The following SLA variants were observed in gnomAD, a reference collection of about 807,000 sequenced individuals.
SLA encodes src-like-adapter.
A neutral mutation model predicts 30.3 loss-of-function variants in SLA; 16 were observed. That is an observed-to-expected ratio of 0.53 (90% CI 0.36 to 0.80). The LOEUF is 0.80. SLA is among the 30% of genes least tolerant of loss of function. SLA has a pLI of 0.01. For missense variants in SLA, 310 were observed against 345.2 expected, an observed-to-expected ratio of 0.90 and a Z score of 0.81; for synonymous variants, 143 against 137.8, an observed-to-expected ratio of 1.04 and a Z score of -0.26.
intron 3 of SLA, among the ~76,000 whole-genome samples, chr8:133,055,334 T>C (rs1841174866): frequency 6.6e-6 from 1 of 150,660 alleles, no homozygotes; most frequent in Non-Finnish European, 1.5e-5. Flanking sequence ...TGACTTTCAG[T>C]GTCATCTTCA....
intron 1 of SLA, chr8:133,096,183 G>T (rs1245725628): frequency 1.2e-6 from 2 of 1,614,096 alleles, no homozygotes; most frequent in South Asian, 2.2e-5. Context: ...CAGGACAACT[G>T]ATTATTGTTG....
intron 2 of SLA, among the ~76,000 whole-genome samples, chr8:133,068,701 G>A (rs973618616): frequency 9.2e-5 from 14 of 152,212 alleles, no homozygotes; most frequent in South Asian, 2.1e-4. Context: ...GTGAGTGGGC[G>A]TCTTATGAAG....
In SLA at chr8:133,040,125, C is replaced by T; in HGVS notation, c.490G>A (p.Ala164Thr). The T allele has an allele frequency of 6.3e-7, 1 of 1,577,832 alleles. No homozygotes were observed. Among genetic ancestry groups the T allele is most frequent in the Non-Finnish European group, 8.6e-7 (1 of 1,162,076 alleles). ...GTGAGCACACAGCACAGGCCATCAGCCACCTCTGAGGAGGGAAGCAGACAG... is the reference window on the plus strand; with the variant it reads ...GTGAGCACACAGCACAGGCCATCAGTCACCTCTGAGGAGGGAAGCAGACAG... ...EDLVNHYSEV[A>T]DGLCCVLTTP... Residue 164 changes from alanine (A) to threonine (T), a missense_variant, in exon 8 of 9, where the codon GCT becomes ACT. Coordinates refer to ENST00000338087, the MANE Select transcript of SLA (RefSeq NM_001045556.3).
chr8:133,097,613 A>G (rs528998552), intron 1 of SLA, among the ~76,000 whole-genome samples: 2 of 152,372 alleles, frequency 1.3e-5, no homozygotes, highest in South Asian at 4.1e-4. Context: ...ACCAACCTGT[A>G]TATATCTTTA....
intron 3 of SLA, among the ~76,000 whole-genome samples, chr8:133,057,641 G>C (rs1841687417): frequency 6.6e-6 from 1 of 152,110 alleles, no homozygotes. Context: ...GAAGCTCAGT[G>C]AGGGCCTTCT....
intron 1 of SLA, among the ~76,000 whole-genome samples, chr8:133,077,811 A>G (rs1845136848): frequency 6.6e-6 from 1 of 151,566 alleles, no homozygotes; most frequent in Non-Finnish European, 1.5e-5. Context: ...TGACCTGTGC[A>G]TTGGAGGATG....
At chr8:133,056,079 G>T (rs924939307) in intron 3 of SLA, among the ~76,000 whole-genome samples, 1 of 152,146 alleles carries the variant, frequency 6.6e-6, no homozygotes, top group Non-Finnish European at 1.5e-5. Context: ...GTCTCCCTGG[G>T]CAGGGCAGGG....
At chr8:133,049,794 G>A (rs1259385709) in intron 5 of SLA, 108 bp downstream of exon 5, 5 of 808,610 alleles carry the variant, frequency 6.2e-6, no homozygotes, top group South Asian at 1.4e-5. Flanking sequence ...ATCTCTTCTT[G>A]ACCCAGTGCC....
At chr8:133,053,029 G>T (rs992291695) in intron 3 of SLA, among the ~76,000 whole-genome samples, 1 of 152,196 alleles carries the variant, frequency 6.6e-6, no homozygotes, top group African/African-American at 2.4e-5. Flanking sequence ...GGCTACATGT[G>T]ATGGGCCTTT....
Position 133,062,832 on chromosome 8 carries a change from T to A in SLA, c.-40-2632A>T, listed in dbSNP as rs953450462. Among the ~76,000 whole-genome samples, 11 of 152,150 alleles carry A rather than the reference T, an allele frequency of 7.2e-5. 1 individual carries two copies. Among genetic ancestry groups the A allele is most frequent in the Admixed American group, 2.6e-4 (4 of 15,292 alleles). On this transcript the variant is annotated intron_variant, in intron 2 of 8. Transcript: ENST00000338087. ...GCACAGGCCTCAGGAAGCACACATG[T>A]GACACGCACAGGGTGTCTTACACAG...
intron 2 of SLA, among the ~76,000 whole-genome samples, chr8:133,065,054 TG>T: frequency 1.3e-5 from 2 of 152,304 alleles, no homozygotes; most frequent in South Asian, 4.1e-4. Context: ...TGCTGCAAAG[TG>T]TGACAGCTAT....
chr8:133,093,427 T>G (rs1314417518), intron 1 of SLA, among the ~76,000 whole-genome samples: 1 of 152,114 alleles, frequency 6.6e-6, no homozygotes, highest in Admixed American at 6.5e-5. Flanking sequence ...GAGCCTTGCT[T>G]TGTTTTAAAG....
chr8:133,060,356 G>A, intron 2 of SLA, 156 bp from the exon 3 acceptor site: 1 of 1,543,400 alleles, frequency 6.5e-7, no homozygotes, highest in Middle Eastern at 1.7e-4. Context: ...GTGAAGATTG[G>A]TTACTTTTGC....
rs148000809 is a variant in SLA at position 133,074,283 on chromosome 8, A to G, written c.-41+570T>C. Among the ~76,000 whole-genome samples, 4 of 152,264 alleles carry G rather than the reference A, an allele frequency of 2.6e-5. No homozygotes were observed. The South Asian group carries it at 6.2e-4, about 24-fold the overall frequency. On this transcript the variant is annotated intron_variant, in intron 2 of 8. Coordinates refer to ENST00000338087, the MANE Select transcript of SLA (RefSeq NM_001045556.3). Reference sequence around the variant, plus strand: ...CTTCTTAAAGAAGATGCATACAATCACACTCCAAGTAGCGCTATTGCAATC... The same window carrying G: ...CTTCTTAAAGAAGATGCATACAATCGCACTCCAAGTAGCGCTATTGCAATC...
intron 1 of SLA, among the ~76,000 whole-genome samples, chr8:133,080,094 ACTCTCCC>A (rs1316602299): frequency 7.9e-5 from 12 of 151,888 alleles, no homozygotes; most frequent in Non-Finnish European, 1.8e-4. Flanking sequence ...AGTAAGAGGA[ACTCTCCC>A]CTTAGAAAGG....
chr8:133,073,242 A>G (rs1003142037), intron 2 of SLA: 5 of 152,230 alleles, frequency 3.3e-5, no homozygotes, highest in African/African-American at 1.2e-4. Context: ...GCTCTGATCT[A>G]GATTGTAGAT....
chr8:133,080,159 G>A (rs542398291), intron 1 of SLA, among the ~76,000 whole-genome samples: 9 of 152,192 alleles, frequency 5.9e-5, no homozygotes, highest in African/African-American at 1.9e-4. Context: ...AAATCAAGAG[G>A]AAAAAACACC....
At chr8:133,052,317 G>A (rs1840561438) in intron 3 of SLA, among the ~76,000 whole-genome samples, 2 of 152,214 alleles carry the variant, frequency 1.3e-5, no homozygotes, top group South Asian at 4.1e-4. Flanking sequence ...GCAGTCAAAT[G>A]TATTGTTCAT....
intron 1 of SLA, 62 bp downstream of exon 1, chr8:133,102,491 C>G: frequency 1.3e-6 from 2 of 1,488,228 alleles, no homozygotes; most frequent in Non-Finnish European, 1.8e-6. Flanking sequence ...CCCCCACATA[C>G]CACCCCAGGC....
Sources: allele counts gnomAD v4.1 joint callset (sites outside exome capture counted in the v4.1 genomes callset), GRCh38; gene constraint gnomAD v4.1.1; transcripts MANE v1.5; gene names NCBI Gene and HGNC (gene_info 2026-07-23, HGNC 2026-07-21).